The following RAB33B variants were observed in gnomAD, a reference collection of about 807,000 sequenced individuals.
RAB33B encodes RAB33B, member RAS oncogene family.
In RAB33B, 6 loss-of-function variants were observed where a neutral mutation model predicts 15.0. The observed-to-expected ratio is 0.40, with a 90% CI of 0.22 to 0.79. The LOEUF (loss-of-function observed/expected upper bound fraction) is 0.79. Ranked by LOEUF, RAB33B falls within the 30% of genes least tolerant of loss-of-function variation. RAB33B has a pLI of 0.37. For synonymous variants in RAB33B, 117 were observed against 108.3 expected (o/e 1.08, Z -0.50); for missense variants, 257 against 296.4 (o/e 0.87, Z 0.98).
At chr4:139,449,652 T>C (rs1268685552), upstream of RAB33B, 1 of 152,168 alleles carries the variant, frequency 6.6e-6, no homozygotes, top group Admixed American at 6.5e-5. Context: ...TTGGACTCCA[T>C]GTTCTTCAGC....
upstream of RAB33B, chr4:139,452,209 C>A (rs1309282509): frequency 6.6e-6 from 1 of 152,234 alleles, no homozygotes; most frequent in Non-Finnish European, 1.5e-5. Flanking sequence ...AAACAATAAA[C>A]TTCCAGTCAG....
At position 139,454,238 on chromosome 4, in the gene RAB33B, T is replaced by A; in HGVS notation, c.43T>A (p.Ser15Thr). Residue 15 changes from serine to threonine, a missense_variant, in exon 1 of 2, where the codon TCC becomes ACC. By Grantham distance (58) the Ser-to-Thr change is moderately conservative (BLOSUM62 1). Coordinates refer to ENST00000305626, the MANE Select transcript of RAB33B (RefSeq NM_031296.3). ...MESSLEASFS[S>T]SGAVSGASGF... is the part of the protein sequence containing the mutation. ...GTCGTCGCTCGAGGCAAGCTTTTCG[T>A]CCAGCGGGGCAGTGTCAGGGGCCTC... 5.0e-6 allele frequency: 8 copies of A among 1,614,048 alleles called. No homozygotes were observed. Among genetic ancestry groups the A allele is most frequent in the Non-Finnish European group, 6.8e-6 (8 of 1,179,978 alleles).
At chr4:139,455,611 A>G (rs556073103) in intron 1 of RAB33B, among the ~76,000 whole-genome samples, 1 of 152,218 alleles carries the variant, frequency 6.6e-6, no homozygotes, top group South Asian at 2.1e-4. Context: ...TTAGTATTTC[A>G]TGTCCCATAT....
In RAB33B at chr4:139,474,890, C is replaced by A. The variant is rs945128885; in HGVS notation, c.*1764C>A. On this transcript the variant is annotated 3_prime_UTR_variant, in exon 2 of 2. Coordinates refer to ENST00000305626, the MANE Select transcript of RAB33B (RefSeq NM_031296.3). ...ATTAAGCCAAATGATTATTGTACTA[C>A]AGTATTTTCAGAATATGGGAAATCA... The A allele has an allele frequency of 6.6e-6, 1 of 152,418 alleles. No homozygotes were observed. Among genetic ancestry groups the A allele is most frequent in the Non-Finnish European group, 1.5e-5 (1 of 67,942 alleles). 9.4% of individuals were successfully genotyped at this position (152,418 alleles called of 1,614,324 possible).
At chr4:139,467,949 T>C (rs1750321645) in intron 1 of RAB33B, among the ~76,000 whole-genome samples, 1 of 141,836 alleles carries the variant, frequency 7.1e-6, no homozygotes, top group African/African-American at 2.6e-5. Flanking sequence ...GTAGGTCTTA[T>C]TCATTCTTTC....
upstream of RAB33B, chr4:139,451,356 A>G (rs1411373679): frequency 1.5e-5 from 2 of 133,370 alleles, no homozygotes; most frequent in African/African-American, 5.7e-5. Context: ...GTACACAACC[A>G]CACCCACTTT....
At chr4:139,469,098 C>A (rs1750344829) in intron 1 of RAB33B, among the ~76,000 whole-genome samples, 1 of 151,982 alleles carries the variant, frequency 6.6e-6, no homozygotes, top group Non-Finnish European at 1.5e-5. Context: ...ATATTGATAC[C>A]TTCTTCTAGG....
At chr4:139,440,864 A>G in the RAB33B span, among the ~76,000 whole-genome samples, 15 of 151,568 alleles carry the variant, frequency 9.9e-5, no homozygotes, top group East Asian at 1.9e-4. Flanking sequence ...ATCCACCTCA[A>G]CCTCCCAAAG....
At chr4:139,457,338 C>G (rs1483304321) in intron 1 of RAB33B, among the ~76,000 whole-genome samples, 1 of 152,220 alleles carries the variant, frequency 6.6e-6, no homozygotes, top group Non-Finnish European at 1.5e-5. Flanking sequence ...ACTCCTAACT[C>G]TAATCCTTAT....
At chr4:139,462,132 C>A (rs1750184607) in intron 1 of RAB33B, among the ~76,000 whole-genome samples, 1 of 149,222 alleles carries the variant, frequency 6.7e-6, no homozygotes, top group Non-Finnish European at 1.5e-5. Context: ...GGGCTCACTG[C>A]AAGCTCCGCC....
At chr4:139,448,462 CT>C (rs1390093563), upstream of RAB33B, 1 of 152,068 alleles carries the variant, frequency 6.6e-6, no homozygotes, top group Non-Finnish European at 1.5e-5. Flanking sequence ...GAGATGGAGC[CT>C]TGCTCTTGTT....
At chr4:139,456,756 T>C (rs1419451877) in intron 1 of RAB33B, among the ~76,000 whole-genome samples, 2 of 152,372 alleles carry the variant, frequency 1.3e-5, no homozygotes, top group East Asian at 3.9e-4. Context: ...ACTACAGACA[T>C]GTTCTGAGGT....
rs757889216 is a variant in RAB33B at position 139,474,031 on chromosome 4, A to G, written c.*905A>G. 1 of 150,422 alleles carries G rather than the reference A, an allele frequency of 6.6e-6. No individual in the cohort carries two copies. The highest frequency in any genetic ancestry group is 2.5e-5 in the African/African-American group (1 of 40,716). 9.3% of individuals were successfully genotyped at this position (150,422 alleles called of 1,614,324 possible). ...GTGATTCTCCTGCCTCAGCCTCCCGAGTAGCTGGGATTACAGGCGTGCACT... is the reference window on the plus strand; with the variant it reads ...GTGATTCTCCTGCCTCAGCCTCCCGGGTAGCTGGGATTACAGGCGTGCACT... On this transcript the variant is annotated 3_prime_UTR_variant, in exon 2 of 2. Transcript: ENST00000305626.
At chr4:139,470,622 C>T (rs748853331) in intron 1 of RAB33B, among the ~76,000 whole-genome samples, 80 of 152,188 alleles carry the variant, frequency 5.3e-4, no homozygotes, top group Non-Finnish European at 1.6e-4. Context: ...CTATAGCCAC[C>T]ACAGCTAATT....
chr4:139,467,964 T>G (rs1294179038), intron 1 of RAB33B, among the ~76,000 whole-genome samples: 1 of 149,756 alleles, frequency 6.7e-6, no homozygotes, highest in Non-Finnish European at 1.5e-5. Context: ...TCTTTCTGTT[T>G]TTTTTTTTTT....
At chr4:139,452,389 A>G (rs1749944207), upstream of RAB33B, 1 of 152,232 alleles carries the variant, frequency 6.6e-6, no homozygotes, top group Admixed American at 6.5e-5. Flanking sequence ...AGAATACAAA[A>G]AACAGGGATG....
At chr4:139,443,489 C>T in the RAB33B span, among the ~76,000 whole-genome samples, 1,792 of 152,248 alleles carry the variant, frequency 0.012, 11 homozygotes, top group East Asian at 0.03. Context: ...TCTAACTCCT[C>T]GCTCCAGAAG....
At chr4:139,469,269 C>T (rs1455354637) in intron 1 of RAB33B, among the ~76,000 whole-genome samples, 1 of 151,954 alleles carries the variant, frequency 6.6e-6, no homozygotes, top group Non-Finnish European at 1.5e-5. Context: ...TTTCTTTTAT[C>T]TCCTCTGTGT....
upstream of RAB33B, chr4:139,449,646 A>C (rs1209502324): frequency 2.0e-5 from 3 of 151,630 alleles, no homozygotes; most frequent in Admixed American, 1.3e-4. Flanking sequence ...CAAACATTGG[A>C]CTCCATGTTC....
Sources: gnomAD v4.1 joint callset for allele counts (sites outside exome capture counted in the v4.1 genomes callset) on GRCh38, gnomAD v4.1.1 for gene constraint, MANE v1.5 for transcripts, NCBI Gene and HGNC (gene_info 2026-07-23, HGNC 2026-07-21) for gene names.